COA1: variants seen among roughly 807,000 people sequenced by gnomAD.
The protein encoded by COA1 is cytochrome c oxidase assembly factor 1 homolog.
A neutral mutation model predicts 16.0 loss-of-function variants in COA1; 13 were observed. That is an observed-to-expected ratio of 0.81 (90% CI 0.53 to 1.29). The LOEUF is 1.29. COA1 is among the 50% of genes most tolerant of loss of function. The pLI is 0.00. For synonymous variants in COA1, 65 were observed against 65.7 expected, an observed-to-expected ratio of 0.99 and a Z score of 0.05; for missense variants, 179 against 177.0, an observed-to-expected ratio of 1.01 and a Z score of -0.06.
At chr7:43,624,505 T>C (rs377670835) in intron 6 of COA1, 262 of 1,593,070 alleles carry the variant, frequency 1.6e-4, no homozygotes, top group Non-Finnish European at 2.2e-4. Flanking sequence ...CTGTAAAACA[T>C]GTATCTTTAC....
At chr7:43,703,499 G>C (rs947127708) in intron 1 of COA1, among the ~76,000 whole-genome samples, 1 of 152,158 alleles carries the variant, frequency 6.6e-6, no homozygotes, top group Non-Finnish European at 1.5e-5. Context: ...TTTGTTTTAT[G>C]AATCTGGGTG....
At chr7:43,680,863 C>T (rs1474619207) in intron 1 of COA1, among the ~76,000 whole-genome samples, 5 of 151,698 alleles carry the variant, frequency 3.3e-5, no homozygotes, top group Admixed American at 2.0e-4. Flanking sequence ...TGCAGCTACT[C>T]GGGAGGCTGA....
chr7:43,629,281 A>G (rs1304053135), intron 6 of COA1, among the ~76,000 whole-genome samples: 1 of 152,214 alleles, frequency 6.6e-6, no homozygotes, highest in Non-Finnish European at 1.5e-5. Flanking sequence ...TGCTTTGTTT[A>G]TTCTAGGTCC....
At chr7:43,682,938 C>T (rs1458068762) in intron 1 of COA1, among the ~76,000 whole-genome samples, 1 of 152,192 alleles carries the variant, frequency 6.6e-6, no homozygotes. Flanking sequence ...CAACCTCTGC[C>T]TCCCAAATTC....
chr7:43,612,545 T>G (rs2082969078), intron 6 of COA1, among the ~76,000 whole-genome samples: 1 of 152,266 alleles, frequency 6.6e-6, no homozygotes, highest in Non-Finnish European at 1.5e-5. Context: ...CTCTAAAAAC[T>G]GATAATCCCA....
chr7:43,691,054 CAA>C (rs1173049196), intron 1 of COA1, among the ~76,000 whole-genome samples: 2 of 40,040 alleles, frequency 5.0e-5, no homozygotes, highest in South Asian at 9.6e-4. Context: ...CTCATCACTA[CAA>C]AAAAAAAAAA....
At chr7:43,671,263 A>C (rs1584776680) in intron 1 of COA1, among the ~76,000 whole-genome samples, 2 of 152,210 alleles carry the variant, frequency 1.3e-5, no homozygotes, top group African/African-American at 4.8e-5. Flanking sequence ...CAAGTGACAA[A>C]AAACAAATAG....
At chr7:43,623,369 T>C (rs1388309838) in intron 6 of COA1, 5 of 548,972 alleles carry the variant, frequency 9.1e-6, no homozygotes, top group Admixed American at 3.6e-5. Context: ...CAATGGTGGG[T>C]AGAAGTGTGA....
chr7:43,623,812 T>G (rs1044103574), intron 6 of COA1: 7 of 1,605,198 alleles, frequency 4.4e-6, no homozygotes, highest in Non-Finnish European at 5.9e-6. Flanking sequence ...GAATTTAAGT[T>G]ATTCTGAGGA....
chr7:43,654,263 C>T (rs141471511), intron 1 of COA1, among the ~76,000 whole-genome samples: 4 of 152,170 alleles, frequency 2.6e-5, no homozygotes, highest in African/African-American at 9.7e-5. Flanking sequence ...TTCCCCACCC[C>T]ACTCTGTTTC....
At chr7:43,703,498 T>C (rs1200648748) in intron 1 of COA1, among the ~76,000 whole-genome samples, 1 of 152,238 alleles carries the variant, frequency 6.6e-6, no homozygotes, top group Non-Finnish European at 1.5e-5. Flanking sequence ...ATTTGTTTTA[T>C]GAATCTGGGT....
At chr7:43,640,522 A>C (rs773571754) in intron 5 of COA1, 51 bp downstream of exon 5, 2 of 1,287,168 alleles carry the variant, frequency 1.6e-6, no homozygotes, top group African/African-American at 3.0e-5. Context: ...GGTTGCTTTC[A>C]TCAGGAAGTC....
chr7:43,621,381 G>A (rs1053645372), intron 6 of COA1, among the ~76,000 whole-genome samples: 2 of 152,216 alleles, frequency 1.3e-5, no homozygotes, highest in Admixed American at 1.3e-4. Flanking sequence ...ACCATTGTAA[G>A]CTCAAATACA....
chr7:43,728,840 C>T (rs1031078815), intron 1 of COA1, among the ~76,000 whole-genome samples: 4 of 152,170 alleles, frequency 2.6e-5, no homozygotes, highest in Non-Finnish European at 5.9e-5. Context: ...TTATCAGAAT[C>T]TCCATAGATT....
downstream of COA1, among the ~76,000 whole-genome samples, chr7:43,634,904 G>A (rs139047458): frequency 6.6e-6 from 1 of 152,294 alleles, no homozygotes; most frequent in East Asian, 1.9e-4. Flanking sequence ...AGAAAACCCA[G>A]GGAAATCGAT....
chr7:43,623,544 A>G (rs964910435), intron 6 of COA1: 1 of 1,597,130 alleles, frequency 6.3e-7, no homozygotes, highest in Admixed American at 1.7e-5. Flanking sequence ...CCACAAAACT[A>G]AATGTTTTCT....
At chr7:43,660,183 G>A (rs1333670480) in intron 1 of COA1, among the ~76,000 whole-genome samples, 2 of 151,872 alleles carry the variant, frequency 1.3e-5, no homozygotes, top group East Asian at 1.9e-4. Flanking sequence ...CCTACTCCCC[G>A]ACCCCAAGAA....
exon 7 of COA1, chr7:43,608,881 G>A (rs1054923): frequency 0.15 from 22,350 of 152,318 alleles, 2,177 homozygotes; most frequent in Non-Finnish European, 0.21. Context: ...GAATATTCGA[G>A]AAGCAGTGTT....
intron 6 of COA1, among the ~76,000 whole-genome samples, chr7:43,624,072 T>G (rs2084221315): frequency 6.6e-6 from 1 of 152,030 alleles, no homozygotes; most frequent in Non-Finnish European, 1.5e-5. Flanking sequence ...TAATATAACT[T>G]GAAAGAAAAG....
Sources: gnomAD v4.1 joint callset for allele counts (sites outside exome capture counted in the v4.1 genomes callset) on GRCh38, gnomAD v4.1.1 for gene constraint, MANE v1.5 for transcripts, NCBI Gene and HGNC (gene_info 2026-07-23, HGNC 2026-07-21) for gene names.